The following ACVR1C variants were observed in gnomAD, a reference collection of about 807,000 sequenced individuals.
ACVR1C encodes the protein activin A receptor type 1C, also known as activin receptor type-1C.
A neutral mutation model predicts 57.9 loss-of-function variants in ACVR1C; 23 were observed. The observed-to-expected ratio is 0.40, with a 90% CI of 0.29 to 0.56. The LOEUF (loss-of-function observed/expected upper bound fraction) is 0.56. ACVR1C is among the 20% of genes least tolerant of loss of function. The pLI, the probability that ACVR1C is intolerant of heterozygous loss-of-function variation, is 0.50. For missense variants in ACVR1C, 480 were observed against 607.9 expected, an observed-to-expected ratio of 0.79 and a Z score of 2.21; for synonymous variants, 214 against 215.3, an observed-to-expected ratio of 0.99 and a Z score of 0.05.
rs1365310102 is a variant in ACVR1C, at chr2:157,542,698, C to T, written c.1100+8G>A. ...ATCTTACTATGCTACCCAAGTCAGT[C>T]GTCTTACCTCTTGGTTCCCACTTTA... On this transcript the variant is annotated splice_region_variant and intron_variant, in intron 6 of 8. Transcript: ENST00000243349. 8 of 1,610,992 alleles carry T rather than the reference C, an allele frequency of 5.0e-6. No individual in the cohort carries two copies. The highest frequency in any genetic ancestry group is 1.7e-5 in the Admixed American group (1 of 59,586).
At chr2:157,592,809 G>A (rs1053979827) in intron 1 of ACVR1C, among the ~76,000 whole-genome samples, 7 of 152,028 alleles carry the variant, frequency 4.6e-5, no homozygotes, top group African/African-American at 1.7e-4. Context: ...GATGTTCATT[G>A]AGTCAATTAT....
chr2:157,550,710 TTACTAAG>T (rs1687893291), intron 3 of ACVR1C, among the ~76,000 whole-genome samples: 1 of 149,500 alleles, frequency 6.7e-6, no homozygotes, highest in Admixed American at 6.8e-5. Context: ...GCCAGTCAGG[TTACTAAG>T]TACACAAGAG....
At chr2:157,575,546 G>T (rs1269434494) in intron 2 of ACVR1C, among the ~76,000 whole-genome samples, 1 of 152,220 alleles carries the variant, frequency 6.6e-6, no homozygotes, top group African/African-American at 2.4e-5. Context: ...TAGGATTACA[G>T]GTGTGAACCA....
At chr2:157,562,459 A>AAAAAT (rs145869067) in intron 2 of ACVR1C, among the ~76,000 whole-genome samples, 4,141 of 108,132 alleles carry the variant, frequency 0.038, 147 homozygotes, top group African/African-American at 0.086. Flanking sequence ...TACCAACCAA[A>AAAAAT]AAAATAAAAT....
rs763565132 is a variant in ACVR1C at position 157,628,663 on chromosome 2, C to G, written c.-19G>C. The G allele has an allele frequency of 6.4e-7, 1 of 1,551,440 alleles. No homozygotes were observed. The highest frequency in any genetic ancestry group is 8.7e-7 in the Non-Finnish European group (1 of 1,150,752). On this transcript the variant is annotated 5_prime_UTR_variant, in exon 1 of 9. Coordinates refer to ENST00000243349, the MANE Select transcript of ACVR1C (RefSeq NM_145259.3). ...GGGTCATCGCCACCAGGCGGCCGCG[C>G]CGGGGCTGCGAGGCCCCAGAGCAGA...
At chr2:157,602,348 A>C (rs1682297639) in intron 1 of ACVR1C, among the ~76,000 whole-genome samples, 1 of 152,238 alleles carries the variant, frequency 6.6e-6, no homozygotes. Context: ...ACAGAAAATT[A>C]ATGCAAAGAC....
chr2:157,599,090 T>C (rs555154815), intron 1 of ACVR1C, among the ~76,000 whole-genome samples: 10 of 151,650 alleles, frequency 6.6e-5, no homozygotes, highest in African/African-American at 1.9e-4. Flanking sequence ...ATACCAGCAC[T>C]TTGGGAGGAC....
intron 4 of ACVR1C, among the ~76,000 whole-genome samples, chr2:157,546,817 A>T (rs967623617): frequency 3.4e-4 from 51 of 151,902 alleles, no homozygotes; most frequent in African/African-American, 8.0e-4. Context: ...ATTTTATTTT[A>T]TTTTTTTTCT....
chr2:157,533,886 T>C lies in ACVR1C; in HGVS notation c.*32A>G, dbSNP rs916955022. On this transcript the variant is annotated 3_prime_UTR_variant, in exon 9 of 9. Coordinates refer to ENST00000243349, the MANE Select transcript of ACVR1C (RefSeq NM_145259.3). ...AAGGGGAAAATGGAAAAGAAAGCTA[T>C]GAGAGATTTCTTTTTAACATAATTA... 7 of 1,510,400 alleles carry C rather than the reference T, an allele frequency of 4.6e-6. No individual in the cohort carries two copies. The highest frequency in any genetic ancestry group is 1.4e-5 in the African/African-American group (1 of 69,610). 93.6% of individuals were successfully genotyped at this position (1,510,400 alleles called of 1,614,324 possible).
chr2:157,564,201 T>C (rs912490983), intron 2 of ACVR1C, among the ~76,000 whole-genome samples: 3 of 152,118 alleles, frequency 2.0e-5, no homozygotes, highest in African/African-American at 7.2e-5. Context: ...GAAGAAAATT[T>C]TTGCAATCTA....
chr2:157,595,641 C>T (rs1205358263), intron 1 of ACVR1C, among the ~76,000 whole-genome samples: 1 of 152,168 alleles, frequency 6.6e-6, no homozygotes, highest in Non-Finnish European at 1.5e-5. Flanking sequence ...ATTCCAATTA[C>T]ATTTAGAATA....
At chr2:157,601,668 A>C (rs1013928827) in intron 1 of ACVR1C, among the ~76,000 whole-genome samples, 9 of 152,210 alleles carry the variant, frequency 5.9e-5, no homozygotes, top group Non-Finnish European at 1.3e-4. Context: ...TGAGTTTAAC[A>C]TTGTTGGAAT....
At chr2:157,594,422 T>C (rs970197537) in intron 1 of ACVR1C, among the ~76,000 whole-genome samples, 4 of 152,084 alleles carry the variant, frequency 2.6e-5, no homozygotes, top group East Asian at 1.9e-4. Context: ...AAAGAGAGAA[T>C]TGGTGTTGGG....
intron 8 of ACVR1C, among the ~76,000 whole-genome samples, chr2:157,538,253 G>A (rs1489804898): frequency 6.6e-6 from 1 of 152,182 alleles, no homozygotes; most frequent in Non-Finnish European, 1.5e-5. Flanking sequence ...TGTGTCCAAG[G>A]ATCAGATCAG....
At chr2:157,609,913 C>T (rs1027682479) in intron 1 of ACVR1C, among the ~76,000 whole-genome samples, 1 of 151,974 alleles carries the variant, frequency 6.6e-6, no homozygotes, top group Non-Finnish European at 1.5e-5. Flanking sequence ...TCTATTCAGC[C>T]AGTCTGTATC....
intron 1 of ACVR1C, among the ~76,000 whole-genome samples, chr2:157,611,188 T>C (rs1262972770): frequency 2.0e-5 from 3 of 152,220 alleles, no homozygotes; most frequent in Non-Finnish European, 2.9e-5. Context: ...AGGAGAGGAC[T>C]TTTTCCTGAA....
intron 1 of ACVR1C, among the ~76,000 whole-genome samples, chr2:157,612,063 G>T (rs1682547671): frequency 6.6e-6 from 1 of 152,114 alleles, no homozygotes; most frequent in South Asian, 2.1e-4. Context: ...AATAGCAGTG[G>T]CCACAACAAT....
chr2:157,565,595 G>T (rs1304621166), intron 2 of ACVR1C, among the ~76,000 whole-genome samples: 1 of 152,150 alleles, frequency 6.6e-6, no homozygotes, highest in African/African-American at 2.4e-5. Context: ...CTAATCCAGA[G>T]ATCAAATCAA....
chr2:157,535,426 A>G (rs1558966911), intron 8 of ACVR1C, among the ~76,000 whole-genome samples: 1 of 152,172 alleles, frequency 6.6e-6, no homozygotes, highest in Non-Finnish European at 1.5e-5. Flanking sequence ...TAAATGATAT[A>G]AGTATATAAA....
Sources: gnomAD v4.1 joint callset for allele counts (sites outside exome capture counted in the v4.1 genomes callset) on GRCh38, gnomAD v4.1.1 for gene constraint, MANE v1.5 for transcripts, NCBI Gene and HGNC (gene_info 2026-07-23, HGNC 2026-07-21) for gene names.